Variants in SLC9A8 observed in about 807,000 individuals in gnomAD.
SLC9A8 encodes the protein sodium/hydrogen exchanger 8.
SLC9A8 carries 48 observed loss-of-function variants against 66.6 expected under a neutral mutation model. That is an observed-to-expected ratio of 0.72 (90% CI 0.57 to 0.92). SLC9A8 has a LOEUF of 0.92. Ranked by LOEUF, SLC9A8 falls within the 40% of genes least tolerant of loss-of-function variation. The pLI is 0.00. For missense variants in SLC9A8, 599 were observed against 747.3 expected, an observed-to-expected ratio of 0.80 and a Z score of 2.31; for synonymous variants, 274 against 282.6, an observed-to-expected ratio of 0.97 and a Z score of 0.31.
At chr20:49,824,458 C>CT (rs1028113122) in intron 3 of SLC9A8, among the ~76,000 whole-genome samples, 2 of 152,146 alleles carry the variant, frequency 1.3e-5, no homozygotes, top group African/African-American at 4.8e-5. Flanking sequence ...GGTAAAGGCT[C>CT]TAAGAACTAC....
At chr20:49,823,212 T>C in intron 3 of SLC9A8, 71 bp downstream of exon 3, 1 of 1,132,214 alleles carries the variant, frequency 8.8e-7, no homozygotes, top group Admixed American at 1.8e-5. Flanking sequence ...GCCTCTTTAG[T>C]GCCAGGAACC....
At chr20:49,816,483 G>A (rs1301040005) in intron 2 of SLC9A8, among the ~76,000 whole-genome samples, 1 of 152,032 alleles carries the variant, frequency 6.6e-6, no homozygotes, top group Non-Finnish European at 1.5e-5. Flanking sequence ...TAGTGTGTGA[G>A]GAAATTTCAG....
chr20:49,877,984 CAT>C lies in SLC9A8; in HGVS notation c.1080_1081del (p.Phe363CysfsTer9), dbSNP rs762979646. 59 of 1,592,764 alleles carry C rather than the reference CAT, an allele frequency of 3.7e-5. No individual in the cohort carries two copies. The highest frequency in any genetic ancestry group is 6.8e-5 in the East Asian group (3 of 44,168). On this transcript the variant is annotated frameshift_variant, in exon 12 of 16. Coordinates refer to ENST00000361573, the MANE Select transcript of SLC9A8 (RefSeq NM_015266.3). LOFTEE classifies it high-confidence loss of function. ...TCCATTCTTTGGTTTGTTTCAGAAA[CAT>C]GTGTGTTTGCATTTCTTGGCCTGTC...
intron 8 of SLC9A8, among the ~76,000 whole-genome samples, chr20:49,857,152 C>G (rs6067250): frequency 1.3e-5 from 2 of 152,264 alleles, no homozygotes; most frequent in African/African-American, 4.8e-5. Context: ...ATTCTCCCAC[C>G]TTCCCGCAAA....
chr20:49,835,614 A>G (rs560972212), intron 3 of SLC9A8, among the ~76,000 whole-genome samples: 14 of 151,322 alleles, frequency 9.3e-5, no homozygotes, highest in Non-Finnish European at 1.8e-4. Flanking sequence ...AGAATCATAC[A>G]ATCGGTGGTA....
chr20:49,834,185 C>CTCTCTATA (rs1475975068), intron 3 of SLC9A8, among the ~76,000 whole-genome samples: 13 of 34,534 alleles, frequency 3.8e-4, no homozygotes, highest in Admixed American at 7.4e-4. Flanking sequence ...CTCTCTCTCT[C>CTCTCTATA]TATATATATA....
At position 49,839,611 on chromosome 20, in the gene SLC9A8, CT is replaced by C; in HGVS notation, c.348+15del. 6.3e-7 allele frequency: 1 copy of C among 1,581,962 alleles called. No homozygotes were observed. The highest frequency in any genetic ancestry group is 8.7e-7 in the Non-Finnish European group (1 of 1,155,662). ...TGGCGAATTGGAAGGTAGGTTTGCC[CT>C]TTGGTTGTTCTTAATTTTAGTAACA... On this transcript the variant is annotated intron_variant, in intron 4 of 15. Transcript: ENST00000361573.
At chr20:49,885,334 A>C (rs1373073613) in intron 14 of SLC9A8, among the ~76,000 whole-genome samples, 1 of 151,942 alleles carries the variant, frequency 6.6e-6, no homozygotes, top group Non-Finnish European at 1.5e-5. Flanking sequence ...GTTTCTTCTT[A>C]TTTATTTTTG....
intron 9 of SLC9A8, 53 bp from the exon 10 acceptor site, chr20:49,864,686 A>C (rs1461857464): frequency 1.0e-5 from 13 of 1,259,032 alleles, no homozygotes. Context: ...TGACTTCTCC[A>C]CATCTCCCAT....
rs912399682 is a variant in SLC9A8, at chr20:49,869,370, C to G, written c.958+4526C>G. ...AGTAGCTGGGATTACAGGTGCCCAC[C>G]ACCACGCCCGACTAATTTTTTTTTT... On this transcript the variant is annotated intron_variant, in intron 10 of 15. Transcript: ENST00000361573. 7.9e-5 allele frequency among the ~76,000 whole-genome samples: 12 copies of G among 152,028 alleles called. No individual in the cohort carries two copies. In the South Asian group the frequency reaches 2.1e-3, roughly 26 times the overall value.
intron 11 of SLC9A8, among the ~76,000 whole-genome samples, chr20:49,875,167 T>C (rs1473518620): frequency 6.6e-6 from 1 of 151,374 alleles, no homozygotes; most frequent in Non-Finnish European, 1.5e-5. Context: ...TGAAAATGGC[T>C]CCATAGTCAA....
intron 4 of SLC9A8, among the ~76,000 whole-genome samples, chr20:49,841,926 G>A (rs1032953001): frequency 3.9e-5 from 6 of 152,062 alleles, no homozygotes; most frequent in African/African-American, 1.2e-4. Context: ...TTTTTGTAGA[G>A]ACACGATGTC....
At chr20:49,879,153 C>T (rs974155983) in intron 12 of SLC9A8, among the ~76,000 whole-genome samples, 2 of 152,128 alleles carry the variant, frequency 1.3e-5, no homozygotes, top group African/African-American at 4.8e-5. Context: ...ACTATTTCAG[C>T]CACAGGTTGG....
At chr20:49,831,408 T>A (rs974033257) in intron 3 of SLC9A8, among the ~76,000 whole-genome samples, 11 of 104,186 alleles carry the variant, frequency 1.1e-4, no homozygotes, top group East Asian at 1.0e-3. Flanking sequence ...ACACACTCTC[T>A]CTCTCTCTCT....
intron 10 of SLC9A8, among the ~76,000 whole-genome samples, chr20:49,867,456 A>G (rs1318724673): frequency 6.6e-6 from 1 of 152,156 alleles, no homozygotes; most frequent in Non-Finnish European, 1.5e-5. Flanking sequence ...ATTCCCACCC[A>G]TGTCAGCTTC....
intron 10 of SLC9A8, among the ~76,000 whole-genome samples, chr20:49,871,006 T>G (rs887145354): frequency 2.0e-5 from 3 of 152,230 alleles, no homozygotes; most frequent in Admixed American, 6.5e-5. Context: ...AGCCTATTAC[T>G]TTAAAGATAA....
chr20:49,816,561 G>T (rs1178109702), intron 2 of SLC9A8, among the ~76,000 whole-genome samples: 1 of 152,136 alleles, frequency 6.6e-6, no homozygotes, highest in Non-Finnish European at 1.5e-5. Context: ...CAGGTTACCA[G>T]ATACCAGTCG....
At chr20:49,846,595 A>G (rs1342649484) in intron 5 of SLC9A8, among the ~76,000 whole-genome samples, 1 of 151,970 alleles carries the variant, frequency 6.6e-6, no homozygotes. Context: ...TAACAATATT[A>G]CCACCAGTAG....
At chr20:49,859,450 C>T (rs186162382) in intron 8 of SLC9A8, among the ~76,000 whole-genome samples, 11 of 150,852 alleles carry the variant, frequency 7.3e-5, no homozygotes, top group Non-Finnish European at 1.3e-4. Flanking sequence ...AGAAAAGGGG[C>T]ATGTCAGACT....
Sources: allele counts gnomAD v4.1 joint callset (sites outside exome capture counted in the v4.1 genomes callset), GRCh38; gene constraint gnomAD v4.1.1; transcripts MANE v1.5; gene names NCBI Gene and HGNC (gene_info 2026-07-23, HGNC 2026-07-21).